The following PRR16 variants were observed in gnomAD, a reference collection of about 807,000 sequenced individuals.
PRR16 encodes protein Largen.
A neutral mutation model predicts 18.2 loss-of-function variants in PRR16; 6 were observed. The ratio of observed to expected loss-of-function variants is 0.33; its 90% CI spans 0.18 to 0.65. The LOEUF is 0.65. Among genes scored for constraint, PRR16 ranks in the 30% least tolerant of loss-of-function variants. The probability of loss-of-function intolerance (pLI) is 0.74; values close to 1 mark genes in which losing one functional copy is unlikely to be tolerated. For synonymous variants in PRR16, 151 were observed against 147.8 expected, an observed-to-expected ratio of 1.02 and a Z score of -0.16; for missense variants, 412 against 376.6, an observed-to-expected ratio of 1.09 and a Z score of -0.78.
chr5:120,763,927 AATTT>A, the PRR16 span, among the ~76,000 whole-genome samples: 24 of 152,064 alleles, frequency 1.6e-4, no homozygotes, highest in Admixed American at 1.6e-3. Flanking sequence ...GACTTTACTG[AATTT>A]GCTTATCAGG....
At chr5:120,648,136 G>C (rs557956930) in intron 1 of PRR16, among the ~76,000 whole-genome samples, 4 of 152,024 alleles carry the variant, frequency 2.6e-5, no homozygotes, top group African/African-American at 9.7e-5. Context: ...TAAATATACA[G>C]TTTAGAAAAG....
intron 1 of PRR16, among the ~76,000 whole-genome samples, chr5:120,589,205 G>A (rs1486690840): frequency 1.3e-5 from 2 of 151,912 alleles, no homozygotes; most frequent in Non-Finnish European, 2.9e-5. Flanking sequence ...TAATTTAATG[G>A]CATTTTCTGC....
the PRR16 span, among the ~76,000 whole-genome samples, chr5:120,751,001 T>A: frequency 6.6e-6 from 1 of 152,102 alleles, no homozygotes; most frequent in Non-Finnish European, 1.5e-5. Flanking sequence ...CATGAGATCA[T>A]TTTTTTAGCT....
chr5:120,739,746 C>T, the PRR16 span, among the ~76,000 whole-genome samples: 1 of 152,074 alleles, frequency 6.6e-6, no homozygotes, highest in Non-Finnish European at 1.5e-5. Flanking sequence ...CACAAATTAT[C>T]AATTTAAGAA....
intron 1 of PRR16, among the ~76,000 whole-genome samples, chr5:120,631,273 T>C (rs1755044492): frequency 6.6e-6 from 1 of 152,090 alleles, no homozygotes; most frequent in Admixed American, 6.6e-5. Flanking sequence ...TTGTGGAGAC[T>C]TACATCGTGA....
chr5:120,578,360 C>T (rs1367444620), intron 1 of PRR16, among the ~76,000 whole-genome samples: 1 of 152,026 alleles, frequency 6.6e-6, no homozygotes, highest in African/African-American at 2.4e-5. Flanking sequence ...TGGTTGTTTG[C>T]TGCACCTATT....
the PRR16 span, among the ~76,000 whole-genome samples, chr5:120,771,254 G>A: frequency 6.6e-6 from 1 of 152,012 alleles, no homozygotes; most frequent in Non-Finnish European, 1.5e-5. Context: ...GTTATGGACT[G>A]CTAAAAGAAG....
chr5:120,743,129 T>C, the PRR16 span, among the ~76,000 whole-genome samples: 1 of 152,206 alleles, frequency 6.6e-6, no homozygotes, highest in Non-Finnish European at 1.5e-5. Context: ...ACATCTTTGG[T>C]GTCATTATTC....
chr5:120,512,298 G>C (rs1750853782), intron 1 of PRR16, among the ~76,000 whole-genome samples: 1 of 152,092 alleles, frequency 6.6e-6, no homozygotes, highest in Admixed American at 6.5e-5. Context: ...TTGAGGTTGT[G>C]AGGGCTCCAG....
At chr5:120,712,029 T>C in the PRR16 span, among the ~76,000 whole-genome samples, 1 of 152,322 alleles carries the variant, frequency 6.6e-6, no homozygotes, top group Admixed American at 6.5e-5. Context: ...TATTGACAAG[T>C]TTCTGACTGT....
At chr5:120,476,481 G>C (rs1749446782) in intron 1 of PRR16, among the ~76,000 whole-genome samples, 1 of 151,942 alleles carries the variant, frequency 6.6e-6, no homozygotes, top group Non-Finnish European at 1.5e-5. Context: ...TTTCTCTATT[G>C]ATTACTAACT....
the PRR16 span, among the ~76,000 whole-genome samples, chr5:120,717,028 C>T: frequency 3.9e-5 from 6 of 152,274 alleles, no homozygotes; most frequent in East Asian, 9.7e-4. Flanking sequence ...CCCATATACT[C>T]AGTGAATTTA....
At chr5:120,469,359 T>A (rs1308426598) in intron 1 of PRR16, among the ~76,000 whole-genome samples, 1 of 152,218 alleles carries the variant, frequency 6.6e-6, no homozygotes, top group Non-Finnish European at 1.5e-5. Context: ...TCTTGCCCTG[T>A]CACTTAGGTT....
intron 1 of PRR16, among the ~76,000 whole-genome samples, chr5:120,680,929 C>T (rs1288939808): frequency 6.6e-6 from 1 of 152,022 alleles, no homozygotes; most frequent in Admixed American, 6.6e-5. Context: ...ATTTATTCAC[C>T]TAAGTTGGTA....
chr5:120,737,737 ATT>A, the PRR16 span, among the ~76,000 whole-genome samples: 1 of 150,658 alleles, frequency 6.6e-6, no homozygotes, highest in Admixed American at 6.6e-5. Context: ...GTACGGGATT[ATT>A]TTGTTTGTTT....
At chr5:120,502,002 A>G (rs1561519904) in intron 1 of PRR16, among the ~76,000 whole-genome samples, 1 of 150,760 alleles carries the variant, frequency 6.6e-6, no homozygotes, top group Admixed American at 6.6e-5. Flanking sequence ...AGCTAGTATA[A>G]AAAATTACTG....
the PRR16 span, among the ~76,000 whole-genome samples, chr5:120,789,174 A>G: frequency 6.6e-6 from 1 of 152,210 alleles, no homozygotes; most frequent in South Asian, 2.1e-4. Context: ...TCAATTAATC[A>G]TTATACTAGG....
intron 1 of PRR16, among the ~76,000 whole-genome samples, chr5:120,658,695 A>G (rs1431313628): frequency 6.6e-6 from 1 of 151,968 alleles, no homozygotes. Flanking sequence ...AAATTTATAT[A>G]AGGAACTCCA....
In PRR16 at chr5:120,620,846, A is replaced by G. The variant is rs1279061079; in HGVS notation, c.160-65108A>G. Among the ~76,000 whole-genome samples, 5 of 152,224 alleles carry G rather than the reference A, an allele frequency of 3.3e-5. No homozygotes were observed. In the South Asian group the frequency reaches 1.0e-3, roughly 32 times the overall value. On this transcript the variant is annotated intron_variant, in intron 1 of 1. Coordinates refer to ENST00000407149, the MANE Select transcript of PRR16 (RefSeq NM_001300783.2). ...AGCTTTACATACCAACTATATATGAATGAATTCCAACTTTGTATCATTAGC... is the reference window on the plus strand; with the variant it reads ...AGCTTTACATACCAACTATATATGAGTGAATTCCAACTTTGTATCATTAGC...
Sources: gnomAD v4.1 joint callset for allele counts (sites outside exome capture counted in the v4.1 genomes callset) on GRCh38, gnomAD v4.1.1 for gene constraint, MANE v1.5 for transcripts, NCBI Gene and HGNC (gene_info 2026-07-23, HGNC 2026-07-21) for gene names.